The following CEP112 variants were observed in gnomAD, a reference collection of about 807,000 sequenced individuals.
The protein encoded by CEP112 is centrosomal protein 112.
In CEP112, 127 loss-of-function variants were observed where a neutral mutation model predicts 153.0. The observed-to-expected ratio is 0.83, with a 90% CI of 0.72 to 0.96. The LOEUF (loss-of-function observed/expected upper bound fraction) is 0.96, where lower values mean the gene tolerates loss of function less well. Among genes scored for constraint, CEP112 ranks in the 40% least tolerant of loss-of-function variants. The pLI is 0.00. For synonymous variants in CEP112, 358 were observed against 374.4 expected, an observed-to-expected ratio of 0.96 and a Z score of 0.51; for missense variants, 1,089 against 1,101.2, an observed-to-expected ratio of 0.99 and a Z score of 0.16.
chr17:65,676,061 A>G (rs2047218905), intron 24 of CEP112, among the ~76,000 whole-genome samples: 1 of 152,240 alleles, frequency 6.6e-6, no homozygotes, highest in South Asian at 2.1e-4. Flanking sequence ...ATTTAAGGCC[A>G]GGCGCAGTGG....
chr17:65,902,923 A>C (rs2059929096), intron 19 of CEP112, among the ~76,000 whole-genome samples: 1 of 152,222 alleles, frequency 6.6e-6, no homozygotes, highest in African/African-American at 2.4e-5. Context: ...ATGATTTCAT[A>C]AAGAGCATTC....
chr17:65,714,238 C>T (rs554373079), intron 23 of CEP112, among the ~76,000 whole-genome samples: 1 of 152,168 alleles, frequency 6.6e-6, no homozygotes, highest in Non-Finnish European at 1.5e-5. Flanking sequence ...GTGTATATAT[C>T]TCTCTTCATG....
chr17:65,898,282 A>C (rs535474111), intron 20 of CEP112, among the ~76,000 whole-genome samples: 2 of 152,258 alleles, frequency 1.3e-5, no homozygotes, highest in African/African-American at 2.4e-5. Flanking sequence ...GTAATCTTTA[A>C]AGAATGATAG....
intron 21 of CEP112, among the ~76,000 whole-genome samples, chr17:65,768,876 G>A (rs866653624): frequency 6.2e-4 from 94 of 152,204 alleles, no homozygotes; most frequent in African/African-American, 2.2e-3. Flanking sequence ...TCTGGTATAA[G>A]GTAAGGATGC....
chr17:65,877,056 G>A (rs1302598835), intron 20 of CEP112, among the ~76,000 whole-genome samples: 1 of 152,154 alleles, frequency 6.6e-6, no homozygotes, highest in African/African-American at 2.4e-5. Flanking sequence ...GCAGTAAAAT[G>A]CAGATGAGAA....
At chr17:66,144,553 T>G (rs185682810) in intron 4 of CEP112, among the ~76,000 whole-genome samples, 1 of 152,150 alleles carries the variant, frequency 6.6e-6, no homozygotes, top group Admixed American at 6.5e-5. Context: ...TTTAGCCGGG[T>G]ATGGTGCTGC....
At chr17:65,825,221 G>A (rs906527632) in intron 21 of CEP112, among the ~76,000 whole-genome samples, 2 of 152,212 alleles carry the variant, frequency 1.3e-5, no homozygotes, top group African/African-American at 4.8e-5. Flanking sequence ...AGTGAAATAA[G>A]TCAGTCATAA....
intron 6 of CEP112, among the ~76,000 whole-genome samples, chr17:66,113,240 T>C (rs1408830411): frequency 6.6e-6 from 1 of 152,180 alleles, no homozygotes; most frequent in Non-Finnish European, 1.5e-5. Flanking sequence ...CATATACATA[T>C]GTATACATGT....
At chr17:65,663,839 G>A (rs1311288775) in intron 24 of CEP112, among the ~76,000 whole-genome samples, 2 of 152,170 alleles carry the variant, frequency 1.3e-5, no homozygotes, top group Non-Finnish European at 2.9e-5. Context: ...GAGGTCAGGA[G>A]ATCGGGACCA....
intron 24 of CEP112, among the ~76,000 whole-genome samples, chr17:65,676,332 GA>G (rs60299147): frequency 1.3e-3 from 162 of 125,988 alleles, no homozygotes; most frequent in African/African-American, 2.8e-3. Flanking sequence ...TGTCTTAAAA[GA>G]AAAAAAAAAA....
chr17:65,837,608 A>G (rs1267049880), intron 21 of CEP112, among the ~76,000 whole-genome samples: 1 of 152,162 alleles, frequency 6.6e-6, no homozygotes, highest in African/African-American at 2.4e-5. Flanking sequence ...GCTCATTGAG[A>G]ACGGGCCATG....
chr17:65,837,229 T>G (rs1050409379), intron 21 of CEP112, among the ~76,000 whole-genome samples: 1 of 151,936 alleles, frequency 6.6e-6, no homozygotes, highest in Non-Finnish European at 1.5e-5. Flanking sequence ...CGCCACCCCG[T>G]CTAGGAAGTG....
chr17:66,062,402 G>T (rs1425411628), intron 11 of CEP112, among the ~76,000 whole-genome samples: 1 of 152,014 alleles, frequency 6.6e-6, no homozygotes, highest in Non-Finnish European at 1.5e-5. Flanking sequence ...AGAGGAATTT[G>T]AATGTCCTCA....
chr17:65,647,875 T>C (rs2143517527), intron 24 of CEP112, among the ~76,000 whole-genome samples: 1 of 152,216 alleles, frequency 6.6e-6, no homozygotes, highest in East Asian at 1.9e-4. Context: ...GGACTATTCA[T>C]GAACTTGGAA....
intron 23 of CEP112, among the ~76,000 whole-genome samples, chr17:65,717,243 C>T (rs998483129): frequency 6.6e-6 from 1 of 152,182 alleles, no homozygotes; most frequent in African/African-American, 2.4e-5. Flanking sequence ...AGGTTCCTTG[C>T]CCCTGGAAAC....
At chr17:66,144,676 G>C (rs1373766143) in intron 4 of CEP112, among the ~76,000 whole-genome samples, 2 of 152,138 alleles carry the variant, frequency 1.3e-5, no homozygotes, top group African/African-American at 4.8e-5. Flanking sequence ...GTGAGCAACA[G>C]AGCAAGGCTC....
At chr17:65,760,240 T>C (rs575530292) in intron 21 of CEP112, among the ~76,000 whole-genome samples, 1 of 152,306 alleles carries the variant, frequency 6.6e-6, no homozygotes, top group South Asian at 2.1e-4. Context: ...CCAATCTGTA[T>C]ACCTCTTATT....
At chr17:66,100,454 ATAG>A (rs2068525729) in intron 6 of CEP112, among the ~76,000 whole-genome samples, 1 of 151,432 alleles carries the variant, frequency 6.6e-6, no homozygotes, top group African/African-American at 2.4e-5. Context: ...AAAGATAACT[ATAG>A]TAACAGCAAG....
intron 6 of CEP112, among the ~76,000 whole-genome samples, chr17:66,119,713 A>T (rs2069481754): frequency 6.6e-6 from 1 of 152,184 alleles, no homozygotes; most frequent in African/African-American, 2.4e-5. Context: ...CTTGCATATA[A>T]AGTTTTTGTG....
Sources: gnomAD v4.1 joint callset for allele counts (sites outside exome capture counted in the v4.1 genomes callset) on GRCh38, gnomAD v4.1.1 for gene constraint, MANE v1.5 for transcripts, NCBI Gene and HGNC (gene_info 2026-07-23, HGNC 2026-07-21) for gene names.